Variants in HHLA2 observed in about 807,000 individuals in gnomAD.
HHLA2 encodes the protein HHLA2 member of B7 family.
HHLA2 carries 48 observed loss-of-function variants against 45.9 expected under a neutral mutation model. The observed-to-expected ratio is 1.05, with a 90% CI of 0.83 to 1.33. HHLA2 has a LOEUF of 1.33. Among genes scored for constraint, HHLA2 ranks in the 40% most tolerant of loss-of-function variants. The probability of loss-of-function intolerance (pLI) is 0.00; values close to 1 mark genes in which losing one functional copy is unlikely to be tolerated. For synonymous variants in HHLA2, 161 were observed against 173.9 expected (o/e 0.93, Z 0.59); for missense variants, 462 against 494.3 (o/e 0.93, Z 0.62).
intron 3 of HHLA2, among the ~76,000 whole-genome samples, chr3:108,329,584 T>C (rs2081348995): frequency 1.3e-5 from 2 of 152,150 alleles, no homozygotes; most frequent in Non-Finnish European, 2.9e-5. Flanking sequence ...TGGAGGAATG[T>C]ATTGGCTCAT....
At chr3:108,372,824 T>A (rs1419583139) in intron 8 of HHLA2, among the ~76,000 whole-genome samples, 5 of 152,142 alleles carry the variant, frequency 3.3e-5, no homozygotes, top group Admixed American at 6.6e-5. Context: ...TCTGAAATTG[T>A]GGCAATAATC....
chr3:108,377,406 T>C (rs1353578826), exon 11 of HHLA2: 3 of 652,876 alleles, frequency 4.6e-6, no homozygotes, highest in Non-Finnish European at 8.1e-6. Context: ...CTGCAAAGAG[T>C]TGTAACCATT....
At chr3:108,304,315 G>A (rs2080893837) in intron 1 of HHLA2, among the ~76,000 whole-genome samples, 1 of 152,138 alleles carries the variant, frequency 6.6e-6, no homozygotes, top group Non-Finnish European at 1.5e-5. Flanking sequence ...TATCCTCTCA[G>A]TTCTGAAGGC....
chr3:108,370,799 C>A (rs1320873549), intron 8 of HHLA2, among the ~76,000 whole-genome samples: 2 of 152,160 alleles, frequency 1.3e-5, no homozygotes, highest in Non-Finnish European at 2.9e-5. Flanking sequence ...AAGAAATGAA[C>A]AAAGCCTCCA....
intron 7 of HHLA2, among the ~76,000 whole-genome samples, chr3:108,361,893 G>A (rs1193820707): frequency 6.6e-6 from 1 of 152,026 alleles, no homozygotes; most frequent in Non-Finnish European, 1.5e-5. Flanking sequence ...ATCCTCCAAG[G>A]TGAACACTGG....
intron 6 of HHLA2, among the ~76,000 whole-genome samples, chr3:108,356,947 T>C (rs2081904073): frequency 6.6e-6 from 1 of 152,204 alleles, no homozygotes; most frequent in Non-Finnish European, 1.5e-5. Flanking sequence ...AAGAAGAATA[T>C]TCCAGGTAAA....
At chr3:108,362,524 A>G in intron 8 of HHLA2, 78 bp downstream of exon 7, 5 of 914,282 alleles carry the variant, frequency 5.5e-6, no homozygotes, top group Non-Finnish European at 8.6e-6. Flanking sequence ...ACATGCCCAA[A>G]CAGCTACTGG....
intron 2 of HHLA2, among the ~76,000 whole-genome samples, chr3:108,320,861 A>G (rs537960636): frequency 1.3e-5 from 2 of 152,078 alleles, no homozygotes; most frequent in Non-Finnish European, 2.9e-5. Context: ...AGCAGGTACT[A>G]ACCACGTGAT....
chr3:108,303,053 G>A (rs1576088080), intron 1 of HHLA2, among the ~76,000 whole-genome samples: 1 of 152,142 alleles, frequency 6.6e-6, no homozygotes, highest in South Asian at 2.1e-4. Context: ...CCCCTTATTT[G>A]GCATTCAACT....
At chr3:108,360,524 T>C (rs1325349961) in intron 7 of HHLA2, among the ~76,000 whole-genome samples, 2 of 152,180 alleles carry the variant, frequency 1.3e-5, no homozygotes, top group African/African-American at 4.8e-5. Context: ...GGACCATTCT[T>C]AAAGAAAATA....
chr3:108,299,378 A>T (rs2080814695), intron 1 of HHLA2, among the ~76,000 whole-genome samples: 1 of 149,310 alleles, frequency 6.7e-6, no homozygotes, highest in Admixed American at 6.7e-5. Context: ...TATAAATGTT[A>T]TATAAATATA....
intron 2 of HHLA2, among the ~76,000 whole-genome samples, chr3:108,319,491 G>C (rs1219602290): frequency 6.6e-6 from 1 of 151,926 alleles, no homozygotes; most frequent in Non-Finnish European, 1.5e-5. Flanking sequence ...ATTCTGTCTT[G>C]GCATCTGCTT....
At chr3:108,312,609 G>T (rs1175003857) in intron 2 of HHLA2, among the ~76,000 whole-genome samples, 1 of 152,208 alleles carries the variant, frequency 6.6e-6, no homozygotes, top group African/African-American at 2.4e-5. Flanking sequence ...AGGACAAGCT[G>T]GCCCCTTGCA....
At chr3:108,314,072 C>T (rs768610778) in intron 2 of HHLA2, among the ~76,000 whole-genome samples, 4 of 152,176 alleles carry the variant, frequency 2.6e-5, no homozygotes, top group East Asian at 1.9e-4. Context: ...TAGTACACAC[C>T]GTGATGTCGC....
intron 3 of HHLA2, among the ~76,000 whole-genome samples, chr3:108,332,210 A>C (rs1276270522): frequency 6.6e-6 from 1 of 152,200 alleles, no homozygotes; most frequent in Non-Finnish European, 1.5e-5. Flanking sequence ...AATAATTTCC[A>C]GACTCAGAAA....
chr3:108,357,928 A>G (rs2081924017), exon 7 of HHLA2: 6 of 1,613,696 alleles, frequency 3.7e-6, no homozygotes, highest in Admixed American at 3.3e-5. Flanking sequence ...CAAGACTTCA[A>G]AGTTACTTGG....
chr3:108,354,490 C>T (rs1038281565), intron 5 of HHLA2, among the ~76,000 whole-genome samples: 4 of 151,962 alleles, frequency 2.6e-5, no homozygotes, highest in South Asian at 2.1e-4. Context: ...TCCTAATTAC[C>T]GGATTACCAA....
In HHLA2 at chr3:108,355,399, T is replaced by C. The variant is rs1414099378; in HGVS notation, c.685+18T>C. On this transcript the variant is annotated intron_variant, in intron 6 of 10. Transcript: ENST00000619531. The stretch of plus-strand genomic sequence containing the variant: ...GATGAAAGGTAGGCTCCACAGGACT[T>C]TCTGTGTACACGTGCTGTTTCAAAG... The C allele has an allele frequency of 6.2e-7, 1 of 1,608,272 alleles. No individual in the cohort carries two copies.
chr3:108,300,496 A>C (rs2080831771), intron 1 of HHLA2, among the ~76,000 whole-genome samples: 1 of 152,202 alleles, frequency 6.6e-6, no homozygotes, highest in African/African-American at 2.4e-5. Flanking sequence ...GTGAGCCAAT[A>C]ATAGGAAAAG....
Sources: allele counts gnomAD v4.1 joint callset (sites outside exome capture counted in the v4.1 genomes callset), GRCh38; gene constraint gnomAD v4.1.1; transcripts MANE v1.5; gene names NCBI Gene and HGNC (gene_info 2026-07-23, HGNC 2026-07-21).